Variants in PKIB observed in about 807,000 individuals in gnomAD.
PKIB encodes the protein cAMP-dependent protein kinase inhibitor beta.
Under a neutral mutation model 4.5 loss-of-function variants are expected in PKIB, and 2 were observed. That is an observed-to-expected ratio of 0.44 (90% CI 0.18 to 1.39). The LOEUF is 1.39. Among genes scored for constraint, PKIB ranks in the 40% most tolerant of loss-of-function variants. The pLI is 0.27. For synonymous variants in PKIB, 38 were observed against 36.0 expected (o/e 1.06, Z -0.20); for missense variants, 94 against 92.6 (o/e 1.02, Z -0.06).
At chr6:122,487,683 G>A (rs1775809296) in intron 2 of PKIB, among the ~76,000 whole-genome samples, 1 of 152,178 alleles carries the variant, frequency 6.6e-6, no homozygotes, top group Admixed American at 6.5e-5. Context: ...ACTGGAAGCA[G>A]ACTCTCACCA....
intron 1 of PKIB, among the ~76,000 whole-genome samples, chr6:122,629,341 A>C (rs1775593801): frequency 6.6e-6 from 1 of 152,216 alleles, no homozygotes; most frequent in Admixed American, 6.5e-5. Flanking sequence ...AACAATTTGC[A>C]GAGCATAATA....
intron 2 of PKIB, among the ~76,000 whole-genome samples, chr6:122,545,470 A>T (rs1487527786): frequency 6.6e-6 from 1 of 151,788 alleles, no homozygotes; most frequent in East Asian, 2.0e-4. Context: ...TTCAAGGGGT[A>T]CATGTATAGG....
chr6:122,589,115 T>C (rs1773940584), intron 3 of PKIB, among the ~76,000 whole-genome samples: 1 of 152,174 alleles, frequency 6.6e-6, no homozygotes. Context: ...TACTTCTCAA[T>C]ATCTACCCTA....
chr6:122,558,868 C>T (rs950307795), intron 2 of PKIB, among the ~76,000 whole-genome samples: 2 of 152,150 alleles, frequency 1.3e-5, no homozygotes, highest in Admixed American at 1.3e-4. Flanking sequence ...GTATACATTG[C>T]ACCATATTTG....
intron 3 of PKIB, among the ~76,000 whole-genome samples, chr6:122,689,425 T>C (rs1474342432): frequency 6.6e-6 from 1 of 152,160 alleles, no homozygotes. Context: ...TTAGTACTGT[T>C]TTTGTGAATT....
intron 2 of PKIB, among the ~76,000 whole-genome samples, chr6:122,526,220 C>T (rs188889360): frequency 2.2e-3 from 339 of 152,178 alleles, no homozygotes; most frequent in Middle Eastern, 6.8e-3. Flanking sequence ...AAGTCTTGAA[C>T]CTTTCAAAGT....
intron 1 of PKIB, among the ~76,000 whole-genome samples, chr6:122,631,825 A>G (rs2114821211): frequency 6.6e-6 from 1 of 152,344 alleles, no homozygotes; most frequent in East Asian, 1.9e-4. Flanking sequence ...TGTGAGAAGC[A>G]AAGGAGAGAG....
rs138930655 is a variant in PKIB at position 122,638,642 on chromosome 6, G to A, written c.-76+5275G>A. Among the ~76,000 whole-genome samples, 271 of 152,220 alleles carry A rather than the reference G, an allele frequency of 1.8e-3. 1 individual carries two copies. Among genetic ancestry groups the A allele is most frequent in the Admixed American group, 4.7e-3 (72 of 15,294 alleles). ...CATTCATCTCTTGCCTTCTAACCCC[G>A]ATCATTTTCTCAGTATTGCGTTTAG... On this transcript the variant is annotated intron_variant, in intron 2 of 4. Transcript: ENST00000368452.
intron 1 of PKIB, among the ~76,000 whole-genome samples, chr6:122,613,537 A>G (rs765975121): frequency 5.3e-5 from 8 of 152,154 alleles, no homozygotes; most frequent in Non-Finnish European, 1.0e-4. Context: ...TTAGTTTCAG[A>G]CATTTTCATA....
chr6:122,632,749 A>G (rs575114964), intron 1 of PKIB, among the ~76,000 whole-genome samples: 2 of 152,284 alleles, frequency 1.3e-5, no homozygotes, highest in African/African-American at 4.8e-5. Flanking sequence ...GAGGAAAACA[A>G]TGTCCTTGCT....
intron 2 of PKIB, among the ~76,000 whole-genome samples, chr6:122,667,570 T>C (rs1455271297): frequency 6.6e-6 from 1 of 152,088 alleles, no homozygotes. Context: ...ATAAAAGTTG[T>C]AAGTGAGATG....
At chr6:122,638,626 C>G (rs1213898282) in intron 2 of PKIB, among the ~76,000 whole-genome samples, 1 of 152,216 alleles carries the variant, frequency 6.6e-6, no homozygotes, top group South Asian at 2.1e-4. Flanking sequence ...CCATTCATCT[C>G]TTGCCTTCTA....
intron 2 of PKIB, among the ~76,000 whole-genome samples, chr6:122,665,508 T>C (rs1777184209): frequency 6.6e-6 from 1 of 152,212 alleles, no homozygotes; most frequent in Non-Finnish European, 1.5e-5. Context: ...CTGCTGTGTG[T>C]GCTTTTTCTA....
At chr6:122,493,593 G>T (rs998217666) in intron 2 of PKIB, 1 of 152,072 alleles carries the variant, frequency 6.6e-6, no homozygotes, top group Admixed American at 6.5e-5. Context: ...AATGTTTATT[G>T]TTCTATAACT....
intron 1 of PKIB, among the ~76,000 whole-genome samples, chr6:122,627,795 C>A (rs1045648547): frequency 6.6e-6 from 1 of 152,136 alleles, no homozygotes; most frequent in African/African-American, 2.4e-5. Flanking sequence ...CTTTCATGGT[C>A]ATCCCTCATT....
At chr6:122,697,687 C>T (rs112493207) in intron 3 of PKIB, among the ~76,000 whole-genome samples, 36 of 152,172 alleles carry the variant, frequency 2.4e-4, no homozygotes, top group African/African-American at 8.7e-4. Flanking sequence ...CTTTGAAAAC[C>T]CATTAGGCTT....
At chr6:122,508,912 A>C (rs1157688823) in intron 2 of PKIB, among the ~76,000 whole-genome samples, 1 of 151,874 alleles carries the variant, frequency 6.6e-6, no homozygotes, top group Non-Finnish European at 1.5e-5. Context: ...CACCATGCCC[A>C]GCTAATTTTT....
chr6:122,638,694 C>G (rs1404593042), intron 2 of PKIB, among the ~76,000 whole-genome samples: 3 of 152,204 alleles, frequency 2.0e-5, no homozygotes, highest in Non-Finnish European at 4.4e-5. Flanking sequence ...ATCCATCCAC[C>G]TTAAAGAGTT....
At chr6:122,676,522 A>G (rs1415880807) in intron 3 of PKIB, among the ~76,000 whole-genome samples, 10 of 152,192 alleles carry the variant, frequency 6.6e-5, no homozygotes, top group Non-Finnish European at 1.2e-4. Context: ...CTTGGACAGC[A>G]TAATTCTGGG....
Sources: gnomAD v4.1 joint callset for allele counts (sites outside exome capture counted in the v4.1 genomes callset) on GRCh38, gnomAD v4.1.1 for gene constraint, MANE v1.5 for transcripts, NCBI Gene and HGNC (gene_info 2026-07-23, HGNC 2026-07-21) for gene names.